MELK: variants seen among roughly 807,000 people sequenced by gnomAD.
The protein encoded by MELK is maternal embryonic leucine zipper kinase.
In MELK, 81 loss-of-function variants were observed where a neutral mutation model predicts 85.0. The observed-to-expected ratio is 0.95, with a 90% CI of 0.80 to 1.15. MELK has a LOEUF of 1.15. Ranked by LOEUF, MELK falls within the 50% of genes most tolerant of loss-of-function variation. The pLI, the probability that MELK is intolerant of heterozygous loss-of-function variation, is 0.00. For missense variants in MELK, 754 were observed against 777.5 expected, an observed-to-expected ratio of 0.97 and a Z score of 0.36; for synonymous variants, 252 against 265.0, an observed-to-expected ratio of 0.95 and a Z score of 0.48.
chr9:36,625,008 A>G (rs779330807), intron 8 of MELK, among the ~76,000 whole-genome samples: 3 of 152,146 alleles, frequency 2.0e-5, no homozygotes, highest in African/African-American at 4.8e-5. Flanking sequence ...GGGTTGTTGT[A>G]ACAAAATACT....
chr9:36,581,889 G>T, intron 2 of MELK, 150 bp downstream of exon 2: 1 of 554,414 alleles, frequency 1.8e-6, no homozygotes, highest in Non-Finnish European at 3.2e-6. Context: ...AAGCAGAGAG[G>T]AGAATAGTAG....
chr9:36,645,219 C>T lies in MELK; in HGVS notation c.921+2136C>T, dbSNP rs1830117320. On this transcript the variant is annotated intron_variant, in intron 11 of 17. Coordinates refer to ENST00000298048, the MANE Select transcript of MELK (RefSeq NM_014791.4). ...GTTGCAGTGAGCCAAGATCACGCCACTGCACTCCAGCCTGGTGACAGAGTG... is the reference window on the plus strand; with the variant it reads ...GTTGCAGTGAGCCAAGATCACGCCATTGCACTCCAGCCTGGTGACAGAGTG... Among the ~76,000 whole-genome samples the T allele has an allele frequency of 2.8e-5, 4 of 143,414 alleles. No individual in the cohort carries two copies. In the Admixed American group the frequency reaches 2.8e-4, roughly 10 times the overall value. 94.1% of individuals were successfully genotyped at this position (143,414 alleles called of 152,430 possible).
chr9:36,664,556 G>A (rs1228873370), intron 13 of MELK, among the ~76,000 whole-genome samples: 1 of 152,126 alleles, frequency 6.6e-6, no homozygotes, highest in Non-Finnish European at 1.5e-5. Context: ...TCTGAAGACT[G>A]GCCTGTGTTT....
chr9:36,590,066 C>A (rs1015106229), intron 4 of MELK, among the ~76,000 whole-genome samples: 1 of 151,806 alleles, frequency 6.6e-6, no homozygotes, highest in Non-Finnish European at 1.5e-5. Context: ...GGACTACAGG[C>A]GCCCACCACC....
Position 36,574,155 on chromosome 9 carries a change from G to A in MELK, c.-39+1148G>A, listed in dbSNP as rs896501140. Among the ~76,000 whole-genome samples the A allele has an allele frequency of 4.6e-5, 7 of 152,206 alleles. No homozygotes were observed. The South Asian group carries it at 1.5e-3, about 32-fold the overall frequency. ...GTGGGCTTGTTTCTCCCAAGGGTCT[G>A]TCCTTTCTGTGTAACTACTGTGGAC... On this transcript the variant is annotated intron_variant, in intron 1 of 17. Coordinates refer to ENST00000298048, the MANE Select transcript of MELK (RefSeq NM_014791.4).
At chr9:36,614,434 T>TG (rs1826360383) in intron 8 of MELK, among the ~76,000 whole-genome samples, 2 of 144,202 alleles carry the variant, frequency 1.4e-5, no homozygotes, top group African/African-American at 2.7e-5. Context: ...GGTTTTTTTT[T>TG]TTTTTTTTTA....
chr9:36,623,357 C>A (rs193269225), intron 8 of MELK, among the ~76,000 whole-genome samples: 1 of 152,178 alleles, frequency 6.6e-6, no homozygotes, highest in South Asian at 2.1e-4. Flanking sequence ...AAGTGTTTTG[C>A]GCATTTTAAA....
Position 36,677,378 on chromosome 9 carries a change from A to G in MELK, c.*41A>G, listed in dbSNP as rs1276955394. The G allele has an allele frequency of 6.5e-7, 1 of 1,545,458 alleles. No homozygotes were observed. Among genetic ancestry groups the G allele is most frequent in the African/African-American group, 1.4e-5 (1 of 73,156 alleles). ...ATCCTGCCGGATGAGTGTGGGTGTG[A>G]TACAGCCTACATAAAGACTGTTATG... On this transcript the variant is annotated 3_prime_UTR_variant, in exon 18 of 18. Transcript: ENST00000298048.
intron 11 of MELK, among the ~76,000 whole-genome samples, chr9:36,645,395 C>G (rs748574329): frequency 1.3e-5 from 2 of 151,840 alleles, no homozygotes; most frequent in Non-Finnish European, 2.9e-5. Flanking sequence ...TATTTGCTTT[C>G]CTTCTGGTGC....
intron 3 of MELK, among the ~76,000 whole-genome samples, chr9:36,588,743 T>A (rs1346399972): frequency 3.9e-5 from 6 of 152,160 alleles, no homozygotes; most frequent in African/African-American, 1.4e-4. Flanking sequence ...CTTCTGTCCT[T>A]TAAAGTTTTT....
chr9:36,598,143 A>C (rs1049694161), intron 6 of MELK, among the ~76,000 whole-genome samples: 1 of 150,638 alleles, frequency 6.6e-6, no homozygotes, highest in Non-Finnish European at 1.5e-5. Context: ...TTTAGAAACT[A>C]TAAGTGGAAC....
chr9:36,594,381 G>A (rs1823958408), intron 4 of MELK, among the ~76,000 whole-genome samples: 1 of 152,154 alleles, frequency 6.6e-6, no homozygotes, highest in South Asian at 2.1e-4. Context: ...AATCACAGTG[G>A]TAGTTGGTTT....
rs551424292 is a variant in MELK, at chr9:36,656,523, G to T, written c.1054-718G>T. On this transcript the variant is annotated intron_variant, in intron 12 of 17. Coordinates refer to ENST00000298048, the MANE Select transcript of MELK (RefSeq NM_014791.4). Reference sequence around the variant, plus strand: ...TTTTGTTTCCAGGGCCTTGCCCTATGCCTGGAATACAGTTTTGTGCTGCAT... The same window carrying T: ...TTTTGTTTCCAGGGCCTTGCCCTATTCCTGGAATACAGTTTTGTGCTGCAT... 7.3e-4 allele frequency among the ~76,000 whole-genome samples: 111 copies of T among 152,286 alleles called. No individual in the cohort carries two copies. In the Middle Eastern group the frequency reaches 0.01, roughly 14 times the overall value.
intron 3 of MELK, among the ~76,000 whole-genome samples, chr9:36,587,611 C>CG (rs201724937): frequency 0.039 from 5,879 of 150,634 alleles, 309 homozygotes; most frequent in African/African-American, 0.11. Context: ...CACTGTAGAG[C>CG]CCCCCCGCCT....
In MELK at chr9:36,665,335, A is replaced by G. The variant is rs752326602; in HGVS notation, c.1177-15A>G. 12 of 1,524,118 alleles carry G rather than the reference A, an allele frequency of 7.9e-6. No individual in the cohort carries two copies. The South Asian group carries it at 1.3e-4, about 16-fold the overall frequency. The allele number at this position is 1,524,118 out of a possible 1,614,324, so 94.4% of individuals were successfully genotyped here. A position where few individuals can be genotyped will look rare whatever the true frequency, so the allele number is the denominator to read the frequency against. On this transcript the variant is annotated splice_polypyrimidine_tract_variant and intron_variant, in intron 13 of 17. Coordinates refer to ENST00000298048, the MANE Select transcript of MELK (RefSeq NM_014791.4). The stretch of plus-strand genomic sequence containing the variant: ...CTTCTTCAGTGTGCTTTATCTAGTA[A>G]CTTTTTTTTTCCAGTTTACCAAGTA...
chr9:36,584,577 C>T (rs2135122779), intron 3 of MELK, among the ~76,000 whole-genome samples: 1 of 149,962 alleles, frequency 6.7e-6, no homozygotes, highest in East Asian at 2.0e-4. Context: ...TCGTGAACCG[C>T]GTGCCTCGAC....
chr9:36,593,973 A>G (rs983084344), intron 4 of MELK, among the ~76,000 whole-genome samples: 2 of 152,170 alleles, frequency 1.3e-5, no homozygotes, highest in Non-Finnish European at 2.9e-5. Context: ...CGCCTGGCCA[A>G]AGTACTGTTT....
chr9:36,589,489 C>A, intron 3 of MELK, 47 bp from the exon 4 acceptor site: 1 of 1,466,762 alleles, frequency 6.8e-7, no homozygotes, highest in Non-Finnish European at 9.5e-7. Flanking sequence ...GCTTGGAACA[C>A]CACCTGAATA....
At position 36,585,302 on chromosome 9, in the gene MELK, G is replaced by GTTTTTTTTT. The variant is rs869244728; in HGVS notation, c.144+1605_144+1613dup. ...TTTCTAATTCCTTCTACCATTCTTT[G>GTTTTTTTTT]TTTTTTTTTTTTTTTTTTTTTTTGA... On this transcript the variant is annotated intron_variant, in intron 3 of 17. Transcript: ENST00000298048. 5.3e-4 allele frequency among the ~76,000 whole-genome samples: 41 copies of GTTTTTTTTT among 77,816 alleles called. 1 individual carries two copies. The highest frequency in any genetic ancestry group is 1.2e-3 in the African/African-American group (20 of 17,378). The allele number at this position is 77,816 out of a possible 152,430, so 51.1% of individuals were successfully genotyped here. A position where few individuals can be genotyped will look rare whatever the true frequency, so the allele number is the denominator to read the frequency against.
Sources: allele counts gnomAD v4.1 joint callset (sites outside exome capture counted in the v4.1 genomes callset), GRCh38; gene constraint gnomAD v4.1.1; transcripts MANE v1.5; gene names NCBI Gene and HGNC (gene_info 2026-07-23, HGNC 2026-07-21).